FAM135B: variants seen among roughly 807,000 people sequenced by gnomAD.
FAM135B encodes family with sequence similarity 135 member B, also known as protein FAM135B.
Under a neutral mutation model 127.7 loss-of-function variants are expected in FAM135B, and 43 were observed. The observed-to-expected ratio is 0.34, with a 90% CI of 0.26 to 0.43. The LOEUF is 0.43. Ranked by LOEUF, FAM135B falls within the 20% of genes least tolerant of loss-of-function variation. The pLI is 1.00. For missense variants in FAM135B, 1,558 were observed against 1,725.6 expected (o/e 0.90, Z 1.72); for synonymous variants, 670 against 665.1 (o/e 1.01, Z -0.11).
chr8:138,318,653 C>A (rs1331233710), intron 2 of FAM135B, among the ~76,000 whole-genome samples: 3 of 152,198 alleles, frequency 2.0e-5, no homozygotes, highest in African/African-American at 7.2e-5. Flanking sequence ...TTCCCTGATA[C>A]CCCTCATAGG....
chr8:138,286,029 AAAACAAAAACAG>A (rs1188713452), intron 3 of FAM135B, among the ~76,000 whole-genome samples: 6 of 152,242 alleles, frequency 3.9e-5, no homozygotes, highest in Non-Finnish European at 4.4e-5. Context: ...ACACTATAGA[AAAACAAAAACAG>A]AAACAAAAAC....
intron 3 of FAM135B, among the ~76,000 whole-genome samples, chr8:138,283,876 C>T (rs1824468907): frequency 6.6e-6 from 1 of 151,720 alleles, no homozygotes. Context: ...CTTCTGGGTC[C>T]ACAGGGAAGG....
chr8:138,151,213 C>T lies in FAM135B; in HGVS notation c.3262G>A (p.Val1088Ile), dbSNP rs755702293. ...STHSSTLDEE[V>I]SERMFSFYQA... ...GCTTACCTAAACATCCTCTCACTGA[C>T]TTCCTCATCCAACGTGCTGGAATGG... Residue 1088 changes from valine to isoleucine, a missense_variant, in exon 13 of 20, where the codon GTC becomes ATC. Transcript: ENST00000395297. The T allele has an allele frequency of 7.1e-6, 11 of 1,541,120 alleles. No homozygotes were observed. In the African/African-American group the frequency reaches 1.5e-4, roughly 21 times the overall value.
rs141702009 is a variant in FAM135B at position 138,265,532 on chromosome 8, G to A, written c.297+171C>T. On this transcript the variant is annotated intron_variant, in intron 4 of 19. Coordinates refer to ENST00000395297, the MANE Select transcript of FAM135B (RefSeq NM_015912.4). ...CAAGCAAATATATGAATAAAAAAAT[G>A]AGTAAAACAACGAATACATAAATAA... 3.1e-3 allele frequency among the ~76,000 whole-genome samples: 469 copies of A among 152,280 alleles called. 2 individuals carry two copies. The highest frequency in any genetic ancestry group is 9.1e-3 in the South Asian group (44 of 4,814).
chr8:138,206,440 C>T (rs113920389), intron 7 of FAM135B, among the ~76,000 whole-genome samples: 2 of 150,960 alleles, frequency 1.3e-5, no homozygotes, highest in Non-Finnish European at 3.0e-5. Context: ...GCTCTATCAT[C>T]CCCTCCATCT....
At chr8:138,344,051 C>T (rs151101316) in intron 2 of FAM135B, among the ~76,000 whole-genome samples, 1 of 152,098 alleles carries the variant, frequency 6.6e-6, no homozygotes, top group African/African-American at 2.4e-5. Flanking sequence ...GGGAGGCAGA[C>T]GGAGGCTAGG....
intron 6 of FAM135B, among the ~76,000 whole-genome samples, chr8:138,246,108 CAAAGCTTTCAAGAGGGAGCAGAGCACA>C (rs1821261273): frequency 6.6e-6 from 1 of 152,116 alleles, no homozygotes; most frequent in Admixed American, 6.5e-5. Context: ...TTCTAAGCAG[CAAAGCTTTCAAGAGGGAGCAGAGCACA>C]AAAGTTTGGA....
intron 1 of FAM135B, among the ~76,000 whole-genome samples, chr8:138,481,147 T>C (rs1417199078): frequency 6.6e-6 from 1 of 152,238 alleles, no homozygotes; most frequent in Non-Finnish European, 1.5e-5. Context: ...CACAGGATGA[T>C]ACTTGGCACA....
At chr8:138,260,906 T>A (rs775916195) in intron 4 of FAM135B, among the ~76,000 whole-genome samples, 22 of 152,168 alleles carry the variant, frequency 1.4e-4, no homozygotes, top group Admixed American at 3.9e-4. Flanking sequence ...TGGCGGAGTC[T>A]CTGTGGCTCT....
chr8:138,144,740 A>T (rs1817516316), intron 15 of FAM135B, among the ~76,000 whole-genome samples: 1 of 152,192 alleles, frequency 6.6e-6, no homozygotes, highest in Non-Finnish European at 1.5e-5. Context: ...TCCTGCAATT[A>T]AGTGAATTGT....
At chr8:138,483,345 G>A (rs572212626) in intron 1 of FAM135B, among the ~76,000 whole-genome samples, 3 of 152,314 alleles carry the variant, frequency 2.0e-5, no homozygotes, top group South Asian at 4.1e-4. Flanking sequence ...GGAGAGGAGC[G>A]AGGCTTTGAG....
chr8:138,182,050 C>T (rs1586705532), intron 9 of FAM135B, among the ~76,000 whole-genome samples: 2 of 152,206 alleles, frequency 1.3e-5, no homozygotes, highest in South Asian at 2.1e-4. Context: ...CTGCCTCTCC[C>T]GGCCTCCTTG....
chr8:138,370,931 C>T (rs535583968), intron 1 of FAM135B, among the ~76,000 whole-genome samples: 1 of 152,290 alleles, frequency 6.6e-6, no homozygotes, highest in Admixed American at 6.5e-5. Flanking sequence ...AGACCAGTGG[C>T]ATCAGCAACA....
At chr8:138,139,782 C>A (rs1816970754) in intron 17 of FAM135B, among the ~76,000 whole-genome samples, 1 of 152,122 alleles carries the variant, frequency 6.6e-6, no homozygotes. Context: ...ACAACAACAA[C>A]AACAAAAATC....
chr8:138,179,053 A>G (rs1185310143), intron 9 of FAM135B, among the ~76,000 whole-genome samples: 1 of 152,178 alleles, frequency 6.6e-6, no homozygotes, highest in Non-Finnish European at 1.5e-5. Context: ...TTCCATAAAC[A>G]TCTTGCACCT....
chr8:138,375,449 G>C (rs1480550618), intron 1 of FAM135B, among the ~76,000 whole-genome samples: 1 of 151,984 alleles, frequency 6.6e-6, no homozygotes. Context: ...CCAGGATCCA[G>C]ATATCAATGT....
At chr8:138,209,788 G>C (rs1402339392) in intron 7 of FAM135B, among the ~76,000 whole-genome samples, 1 of 152,126 alleles carries the variant, frequency 6.6e-6, no homozygotes, top group Non-Finnish European at 1.5e-5. Context: ...AAGTGGAATG[G>C]GCCCAGAGAG....
chr8:138,145,162 C>T (rs922923304), intron 15 of FAM135B, among the ~76,000 whole-genome samples: 1 of 152,016 alleles, frequency 6.6e-6, no homozygotes, highest in African/African-American at 2.4e-5. Context: ...AATACAGGCA[C>T]ACACCATCAC....
At chr8:138,380,785 G>C (rs1831803607) in intron 1 of FAM135B, among the ~76,000 whole-genome samples, 1 of 151,186 alleles carries the variant, frequency 6.6e-6, no homozygotes, top group Non-Finnish European at 1.5e-5. Flanking sequence ...TCTAACTTTA[G>C]ATCTTCCTAT....
Sources: gnomAD v4.1 joint callset for allele counts (sites outside exome capture counted in the v4.1 genomes callset) on GRCh38, gnomAD v4.1.1 for gene constraint, MANE v1.5 for transcripts, NCBI Gene and HGNC (gene_info 2026-07-23, HGNC 2026-07-21) for gene names.